ACAD8: variants seen among roughly 807,000 people sequenced by gnomAD.
The protein encoded by ACAD8 is acyl-CoA dehydrogenase family member 8.
In ACAD8, 47 loss-of-function variants were observed where a neutral mutation model predicts 53.1. The observed-to-expected ratio is 0.89, with a 90% CI of 0.70 to 1.13. The LOEUF (loss-of-function observed/expected upper bound fraction) is 1.13, where lower values mean the gene tolerates loss of function less well. Ranked by LOEUF, ACAD8 falls within the 50% of genes most tolerant of loss-of-function variation. The probability of loss-of-function intolerance (pLI) is 0.00; values close to 1 mark genes in which losing one functional copy is unlikely to be tolerated. For synonymous variants in ACAD8, 198 were observed against 201.3 expected, an observed-to-expected ratio of 0.98 and a Z score of 0.14; for missense variants, 494 against 535.0, an observed-to-expected ratio of 0.92 and a Z score of 0.76.
chr11:134,260,554 C>A, intron 6 of ACAD8: 1 of 214,170 alleles, frequency 4.7e-6, no homozygotes, highest in South Asian at 7.3e-5. Flanking sequence ...CAACCATTTC[C>A]TAGGCTTCTA....
chr11:134,262,824 G>T (rs1321345386), intron 10 of ACAD8: 85 of 1,462,284 alleles, frequency 5.8e-5, no homozygotes, highest in Non-Finnish European at 7.6e-5. Flanking sequence ...CCTTTCGGGG[G>T]GCCTCAGATC....
chr11:134,261,793 T>C lies in ACAD8; in HGVS notation c.995T>C (p.Met332Thr), dbSNP rs545436860. The change falls in exon 9 of 11, where the codon ATG becomes ACG. Residue 332 changes from methionine to threonine, a missense_variant. Met to Thr is a moderately conservative substitution (Grantham distance 81, BLOSUM62 -1). Coordinates refer to ENST00000281182, the MANE Select transcript of ACAD8 (RefSeq NM_014384.3). The surrounding 1 kb of genome is among the most constrained non-coding windows in gnomAD (Gnocchi z 4.2). Reference protein sequence around the residue: ...MATRLVAARLMVRNAAVALQE... With the variant: ...MATRLVAARLTVRNAAVALQE... ...ACAAGGCTGGTGGCCGCGCGGCTGA[T>C]GGTCCGCAATGCAGCAGTGGCTCTG... 1 of 1,614,184 alleles carries C rather than the reference T, an allele frequency of 6.2e-7. No homozygotes were observed. The highest frequency in any genetic ancestry group is 1.3e-5 in the African/African-American group (1 of 75,056).
In ACAD8 at chr11:134,253,842, G is replaced by C. The variant is rs71486997; in HGVS notation, c.109+133G>C. On this transcript the variant is annotated intron_variant, in intron 1 of 10. Transcript: ENST00000281182. Reference sequence around the variant, plus strand: ...TCCCCTTCCGGCCAGTCACCCCCCCGGCCTGGCTCCCTACTCCGGCCGGTC... The same window carrying C: ...TCCCCTTCCGGCCAGTCACCCCCCCCGCCTGGCTCCCTACTCCGGCCGGTC... 32,150 of 974,908 alleles carry C rather than the reference G, an allele frequency of 0.033. 652 individuals carry two copies. Among genetic ancestry groups the C allele is most frequent in the African/African-American group, 0.042 (2,556 of 61,560 alleles). 60.4% of individuals were successfully genotyped at this position (974,908 alleles called of 1,614,324 possible). A position where few individuals can be genotyped will look rare whatever the true frequency, so the allele number is the denominator to read the frequency against.
chr11:134,255,376 T>C (rs917752050), intron 1 of ACAD8, among the ~76,000 whole-genome samples: 1 of 152,226 alleles, frequency 6.6e-6, no homozygotes, highest in Admixed American at 6.5e-5. Context: ...CCTCAAGTGA[T>C]CCACCTGCCT....
At chr11:134,258,436 CT>C in intron 3 of ACAD8, 78 bp from the exon 4 acceptor site, 1 of 979,502 alleles carries the variant, frequency 1.0e-6, no homozygotes, top group Non-Finnish European at 1.6e-6. Flanking sequence ...CCTTTGTTCT[CT>C]TTCCCCTTCT....
intron 3 of ACAD8, chr11:134,258,253 C>T (rs904089196): frequency 1.1e-4 from 57 of 528,828 alleles, no homozygotes; most frequent in Admixed American, 8.5e-4. Context: ...TTTAGAGGCT[C>T]GTGTAACCTA....
At chr11:134,264,249 G>A (rs891237803) in intron 10 of ACAD8, among the ~76,000 whole-genome samples, 1 of 152,192 alleles carries the variant, frequency 6.6e-6, no homozygotes, top group Non-Finnish European at 1.5e-5. Context: ...AGAGGCTGAG[G>A]CAGGAAGATC....
intron 1 of ACAD8, among the ~76,000 whole-genome samples, chr11:134,254,191 G>T (rs937564836): frequency 6.6e-6 from 1 of 152,212 alleles, no homozygotes; most frequent in Admixed American, 6.5e-5. Context: ...AAAGCAGTGA[G>T]AATATAAGAA....
At chr11:134,258,419 G>C (rs11223738) in intron 3 of ACAD8, 96 bp from the exon 4 acceptor site, 1 of 816,094 alleles carries the variant, frequency 1.2e-6, no homozygotes, top group Non-Finnish European at 2.1e-6. Context: ...TTACTCCACT[G>C]CCCTGCCCTT....
intron 3 of ACAD8, chr11:134,257,846 T>TTTTATTTA (rs1436979835): frequency 1.2e-5 from 2 of 162,562 alleles, no homozygotes; most frequent in Non-Finnish European, 2.7e-5. Context: ...CCTCTCACCC[T>TTTTATTTA]TTTATTTATT....
rs540644652 is a variant in ACAD8 at position 134,262,588 on chromosome 11, C to T, written c.1161C>T (p.Tyr387=). The change falls in exon 10 of 11, where the codon TAC becomes TAT. Residue 387 remains tyrosine, a synonymous_variant. Coordinates refer to ENST00000281182, the MANE Select transcript of ACAD8 (RefSeq NM_014384.3). ...TGAAGGATTACGCTGTTCAGCAGTACGTGCGGGACTCCAGGGTCCACCAGA... is the reference window on the plus strand; with the variant it reads ...TGAAGGATTACGCTGTTCAGCAGTATGTGCGGGACTCCAGGGTCCACCAGA... The part of the protein sequence containing the change: ...GYLKDYAVQQ[Y]VRDSRVHQIL... 51 of 1,614,036 alleles carry T rather than the reference C, an allele frequency of 3.2e-5. No individual in the cohort carries two copies. The East Asian group carries it at 3.3e-4, about 11-fold the overall frequency.
At position 134,253,804 on chromosome 11, in the gene ACAD8, C is replaced by T. The variant is rs978741555; in HGVS notation, c.109+95C>T. The T allele has an allele frequency of 2.3e-6, 3 of 1,294,860 alleles. No homozygotes were observed. The African/African-American group carries it at 4.4e-5, about 19-fold the overall frequency. The allele number at this position is 1,294,860 out of a possible 1,614,324, so 80.2% of individuals were successfully genotyped here. A position where few individuals can be genotyped will look rare whatever the true frequency, so the allele number is the denominator to read the frequency against. On this transcript the variant is annotated intron_variant, in intron 1 of 10. Transcript: ENST00000281182. ...GCAGTCTCCCCGTTCCATCCAGTCA[C>T]CCCGGCGTCAGCTCCCCTTCCGGCC...
intron 9 of ACAD8, 150 bp downstream of exon 9, chr11:134,262,040 C>A: frequency 1.0e-6 from 1 of 955,002 alleles, no homozygotes; most frequent in Non-Finnish European, 1.6e-6. Flanking sequence ...AACTCATGAG[C>A]GGCCTATGTG....
rs762384378 is a variant in ACAD8, at chr11:134,259,039, C to T, written c.522C>T (p.Thr174=). The T allele has an allele frequency of 1.2e-6, 2 of 1,614,170 alleles. No homozygotes were observed. Among genetic ancestry groups the T allele is most frequent in the East Asian group, 2.2e-5 (1 of 44,884 alleles). Residue 174 remains threonine, a synonymous_variant, in exon 5 of 11, where the codon ACC becomes ACT. Coordinates refer to ENST00000281182, the MANE Select transcript of ACAD8 (RefSeq NM_014384.3). ...GSGSDAASLL[T]SAKKQGDHYI... ...GGAGTGATGCTGCCTCTCTTCTGAC[C>T]TCCGCTAAGAAACAGGGAGATCATT...
At chr11:134,263,061 A>G (rs1258511810) in intron 10 of ACAD8, 1 of 1,175,690 alleles carries the variant, frequency 8.5e-7, no homozygotes, top group Non-Finnish European at 1.1e-6. Flanking sequence ...ACCTGTCTCA[A>G]TATTACTAGT....
chr11:134,259,945 A>C, intron 6 of ACAD8, 200 bp downstream of exon 6: 1 of 1,437,710 alleles, frequency 7.0e-7, no homozygotes, highest in Non-Finnish European at 9.2e-7. Context: ...GGAAAGTGAC[A>C]ATGTTTGCCA....
rs781393474 is a variant in ACAD8, at chr11:134,257,245, TAAGCATCCAC to T, written c.372_380+1del. The T allele has an allele frequency of 6.2e-7, 1 of 1,614,182 alleles. No individual in the cohort carries two copies. The highest frequency in any genetic ancestry group is 1.3e-5 in the African/African-American group (1 of 75,050). On this transcript the variant is annotated frameshift_variant and splice_region_variant, in exon 3 of 11. Coordinates refer to ENST00000281182, the MANE Select transcript of ACAD8 (RefSeq NM_014384.3). LOFTEE classifies it high-confidence loss of function. ...GGCTGCACCAGCACCACAGCCTATA[TAAGCATCCAC>T]AAGTGAGTGCCCAAGCTTGGAAGGC...
chr11:134,259,753 G>C lies in ACAD8; in HGVS notation c.705+8G>C. 1 of 1,614,192 alleles carries C rather than the reference G, an allele frequency of 6.2e-7. No homozygotes were observed. The highest frequency in any genetic ancestry group is 8.5e-7 in the Non-Finnish European group (1 of 1,180,032). Reference sequence around the variant, plus strand: ...GGCAAGAAGGAGAAAAAGGTGAGTGGCTGTTGGACAGGAAACAATTCAGGT... The same window carrying C: ...GGCAAGAAGGAGAAAAAGGTGAGTGCCTGTTGGACAGGAAACAATTCAGGT... On this transcript the variant is annotated splice_region_variant and intron_variant, in intron 6 of 10. Coordinates refer to ENST00000281182, the MANE Select transcript of ACAD8 (RefSeq NM_014384.3).
At chr11:134,260,268 TGA>T in intron 6 of ACAD8, 1 of 960,296 alleles carries the variant, frequency 1.0e-6, no homozygotes, top group Non-Finnish European at 1.3e-6. Context: ...GGCCAGGGCA[TGA>T]ACAGGAGACT....
Sources: gnomAD v4.1 joint callset for allele counts (sites outside exome capture counted in the v4.1 genomes callset) on GRCh38, gnomAD v4.1.1 for gene constraint, Gnocchi (gnomAD v3.1) non-coding constraint, MANE v1.5 for transcripts, NCBI Gene and HGNC (gene_info 2026-07-23, HGNC 2026-07-21) for gene names.